The following SPATA6 variants were observed in gnomAD, a reference collection of about 807,000 sequenced individuals.
The protein encoded by SPATA6 is spermatogenesis-associated protein 6.
SPATA6 carries 56 observed loss-of-function variants against 65.3 expected under a neutral mutation model. The ratio of observed to expected loss-of-function variants is 0.86; its 90% CI spans 0.69 to 1.07. The LOEUF (loss-of-function observed/expected upper bound fraction) is 1.07, where lower values mean the gene tolerates loss of function less well. Among genes scored for constraint, SPATA6 ranks in the 50% least tolerant of loss-of-function variants. The probability of loss-of-function intolerance (pLI) is 0.00; values close to 1 mark genes in which losing one functional copy is unlikely to be tolerated. For synonymous variants in SPATA6, 199 were observed against 213.2 expected (o/e 0.93, Z 0.58); for missense variants, 590 against 594.8 (o/e 0.99, Z 0.08).
At chr1:48,277,004 G>A in the SPATA6 span, among the ~76,000 whole-genome samples, 1 of 151,532 alleles carries the variant, frequency 6.6e-6, no homozygotes, top group Non-Finnish European at 1.5e-5. Flanking sequence ...ATGAATCTCG[G>A]TGCTCCTTTA....
chr1:48,444,468 G>A (rs928140410), intron 3 of SPATA6, among the ~76,000 whole-genome samples: 3 of 150,642 alleles, frequency 2.0e-5, no homozygotes, highest in Non-Finnish European at 2.9e-5. Context: ...TGCACCAATC[G>A]GCACTCTGTA....
At chr1:48,312,828 T>C (rs1441963001) in intron 11 of SPATA6, among the ~76,000 whole-genome samples, 3 of 151,988 alleles carry the variant, frequency 2.0e-5, no homozygotes, top group Admixed American at 6.5e-5. Flanking sequence ...CTAACTACAA[T>C]AACCAATGCA....
chr1:48,420,742 C>T (rs780128330), intron 3 of SPATA6, among the ~76,000 whole-genome samples: 4 of 151,984 alleles, frequency 2.6e-5, no homozygotes, highest in African/African-American at 4.8e-5. Context: ...CAGTAATAGA[C>T]GCTTATTAAG....
At chr1:48,368,164 A>G (rs185939687) in intron 9 of SPATA6, among the ~76,000 whole-genome samples, 1 of 152,170 alleles carries the variant, frequency 6.6e-6, no homozygotes, top group Admixed American at 6.5e-5. Context: ...CCAAGAGATC[A>G]GCTGTTAGTC....
At chr1:48,261,930 A>C in the SPATA6 span, among the ~76,000 whole-genome samples, 2 of 152,074 alleles carry the variant, frequency 1.3e-5, no homozygotes, top group Non-Finnish European at 2.9e-5. Context: ...ACTCTAACTT[A>C]CCAGAGTACT....
At chr1:48,402,832 C>T (rs1651297530) in intron 6 of SPATA6, 2 of 152,084 alleles carry the variant, frequency 1.3e-5, no homozygotes, top group Admixed American at 1.3e-4. Context: ...GATATCTGGA[C>T]ATTATTAGAT....
chr1:48,330,621 G>C (rs1304700235), intron 11 of SPATA6, among the ~76,000 whole-genome samples: 1 of 152,228 alleles, frequency 6.6e-6, no homozygotes, highest in African/African-American at 2.4e-5. Context: ...GGCAACACCT[G>C]CTAGGCTTTC....
rs1484386733 is a variant in SPATA6, at chr1:48,296,650, A to AT, written c.*2062dup. On this transcript the variant is annotated 3_prime_UTR_variant, in exon 13 of 13. Coordinates refer to ENST00000371847, the MANE Select transcript of SPATA6 (RefSeq NM_019073.4). ...TCCATGGAAAAACACTGAGGATATA[A>AT]TTTTTTTAAAAGAGCATTATTCAAT... 6.6e-6 allele frequency: 1 copy of AT among 152,102 alleles called. No homozygotes were observed. The highest frequency in any genetic ancestry group is 1.5e-5 in the Non-Finnish European group (1 of 68,002). The allele number at this position is 152,102 out of a possible 1,614,324, so 9.4% of individuals were successfully genotyped here. A position where few individuals can be genotyped will look rare whatever the true frequency, so the allele number is the denominator to read the frequency against.
At chr1:48,319,606 A>T (rs537818882) in intron 11 of SPATA6, among the ~76,000 whole-genome samples, 1 of 152,190 alleles carries the variant, frequency 6.6e-6, no homozygotes, top group African/African-American at 2.4e-5. Context: ...CAGAGCTAGG[A>T]AAGGTTCCCT....
the SPATA6 span, among the ~76,000 whole-genome samples, chr1:48,284,333 C>A: frequency 6.6e-6 from 1 of 152,100 alleles, no homozygotes; most frequent in South Asian, 2.1e-4. Context: ...TTTCTCTGAA[C>A]TTTTTTCAAG....
At chr1:48,337,240 T>A (rs972097872) in intron 11 of SPATA6, among the ~76,000 whole-genome samples, 2 of 151,832 alleles carry the variant, frequency 1.3e-5, no homozygotes, top group Non-Finnish European at 2.9e-5. Flanking sequence ...GTTTAAGACT[T>A]GAAAATCAAG....
intron 11 of SPATA6, among the ~76,000 whole-genome samples, chr1:48,316,273 C>A (rs1645416413): frequency 6.6e-6 from 1 of 152,190 alleles, no homozygotes; most frequent in Non-Finnish European, 1.5e-5. Flanking sequence ...CGCTACCTGA[C>A]TTCAAACTAT....
At chr1:48,395,574 T>C (rs1272741018) in intron 7 of SPATA6, among the ~76,000 whole-genome samples, 1 of 151,946 alleles carries the variant, frequency 6.6e-6, no homozygotes, top group East Asian at 1.9e-4. Context: ...TTTAATTCTA[T>C]ATATATGTGC....
chr1:48,286,058 GTTTT>G, the SPATA6 span, among the ~76,000 whole-genome samples: 1 of 152,126 alleles, frequency 6.6e-6, no homozygotes, highest in Admixed American at 6.5e-5. Context: ...GGATTACACT[GTTTT>G]GTTTATTATA....
In SPATA6 at chr1:48,298,797, G is replaced by T. The variant is rs1330585844; in HGVS notation, c.1383C>A (p.Ile461=). The change falls in exon 13 of 13, where the codon ATC becomes ATA. Residue 461 remains isoleucine (I), a synonymous_variant. Transcript: ENST00000371847. ...ASYKGKSHRP[I]FENSMDKMYR... Reference sequence around the variant, plus strand: ...ACATCTTGTCCATGCTGTTCTCAAAGATGGGTCGGTGGGATTTTCCCTTAT... The same window carrying T: ...ACATCTTGTCCATGCTGTTCTCAAATATGGGTCGGTGGGATTTTCCCTTAT... 7 of 1,614,034 alleles carry T rather than the reference G, an allele frequency of 4.3e-6. No homozygotes were observed. The highest frequency in any genetic ancestry group is 5.1e-6 in the Non-Finnish European group (6 of 1,179,948).
rs116152257 is a variant in SPATA6 at position 48,298,364 on chromosome 1, T to C, written c.*349A>G. 1,368 of 161,392 alleles carry C rather than the reference T, an allele frequency of 8.5e-3. 20 individuals are homozygous for C. Among genetic ancestry groups the C allele is most frequent in the African/African-American group, 0.03 (1,268 of 41,900 alleles). 10.0% of individuals were successfully genotyped at this position (161,392 alleles called of 1,614,324 possible). ...ACCAGTTAAGTAGATGAGAAGAAAA[T>C]TGCAAGGTGAGTAAGGCAAAAAAAA... is the stretch of plus-strand genomic sequence containing the variant. On this transcript the variant is annotated 3_prime_UTR_variant, in exon 13 of 13. Transcript: ENST00000371847.
intron 11 of SPATA6, among the ~76,000 whole-genome samples, chr1:48,324,899 G>A (rs2148712042): frequency 6.6e-6 from 1 of 152,266 alleles, no homozygotes; most frequent in Middle Eastern, 3.4e-3. Context: ...AAACGAACAA[G>A]TCAAATTATC....
chr1:48,339,803 G>C (rs185331853), intron 11 of SPATA6, among the ~76,000 whole-genome samples: 5 of 152,026 alleles, frequency 3.3e-5, no homozygotes, highest in African/African-American at 9.6e-5. Context: ...AGAGGTAATT[G>C]AACACCCGAA....
intron 3 of SPATA6, among the ~76,000 whole-genome samples, chr1:48,420,850 G>A (rs1476114177): frequency 6.6e-6 from 1 of 152,050 alleles, no homozygotes; most frequent in African/African-American, 2.4e-5. Context: ...GAATACTATT[G>A]AGCCATGAAA....
Sources: allele counts gnomAD v4.1 joint callset (sites outside exome capture counted in the v4.1 genomes callset), GRCh38; gene constraint gnomAD v4.1.1; transcripts MANE v1.5; gene names NCBI Gene and HGNC (gene_info 2026-07-23, HGNC 2026-07-21).